CTNNA3: variants seen among roughly 807,000 people sequenced by gnomAD.
CTNNA3 encodes the protein catenin alpha-3.
Under a neutral mutation model 95.7 loss-of-function variants are expected in CTNNA3, and 76 were observed. The ratio of observed to expected loss-of-function variants is 0.79; its 90% CI spans 0.66 to 0.96. The LOEUF (loss-of-function observed/expected upper bound fraction) is 0.96. Ranked by LOEUF, CTNNA3 falls within the 40% of genes least tolerant of loss-of-function variation. The pLI, the probability that CTNNA3 is intolerant of heterozygous loss-of-function variation, is 0.00. For synonymous variants in CTNNA3, 431 were observed against 374.4 expected, an observed-to-expected ratio of 1.15 and a Z score of -1.74; for missense variants, 1,191 against 1,089.8, an observed-to-expected ratio of 1.09 and a Z score of -1.31.
At chr10:66,925,962 T>G (rs895304583) in intron 7 of CTNNA3, 3 of 455,506 alleles carry the variant, frequency 6.6e-6, no homozygotes, top group African/African-American at 2.0e-5. Flanking sequence ...AGAGAGACAT[T>G]TCTGCACATG....
chr10:66,610,343 T>A (rs999505224), intron 10 of CTNNA3, among the ~76,000 whole-genome samples: 1 of 152,242 alleles, frequency 6.6e-6, no homozygotes, highest in East Asian at 1.9e-4. Flanking sequence ...AAAGTTTTTT[T>A]AAAAAGGTCA....
intron 5 of CTNNA3, among the ~76,000 whole-genome samples, chr10:67,370,667 T>G (rs1843392672): frequency 6.6e-6 from 1 of 152,150 alleles, no homozygotes; most frequent in African/African-American, 2.4e-5. Flanking sequence ...ATCAAAGGCA[T>G]AATAACTCAC....
intron 6 of CTNNA3, among the ~76,000 whole-genome samples, chr10:67,196,974 C>T (rs1003217310): frequency 2.0e-5 from 3 of 151,946 alleles, no homozygotes; most frequent in African/African-American, 7.3e-5. Flanking sequence ...AAAATATAGA[C>T]GCAATGGTGA....
At chr10:66,118,003 C>T (rs753264424) in intron 13 of CTNNA3, among the ~76,000 whole-genome samples, 11 of 152,090 alleles carry the variant, frequency 7.2e-5, no homozygotes, top group Non-Finnish European at 1.2e-4. Flanking sequence ...GGAGAGTTAC[C>T]GTCAGATGTT....
At chr10:67,164,089 GAA>G (rs57635341) in intron 7 of CTNNA3, among the ~76,000 whole-genome samples, 119 of 151,468 alleles carry the variant, frequency 7.9e-4, no homozygotes, top group Non-Finnish European at 1.5e-3. Flanking sequence ...TAAAACCTAA[GAA>G]AAAAATTTTA....
At position 66,241,856 on chromosome 10, in the gene CTNNA3, A is replaced by G. The variant is rs142906713; in HGVS notation, c.1884+38614T>C. On this transcript the variant is annotated intron_variant, in intron 13 of 17. Transcript: ENST00000433211. ...CTCCAAATACATGGGAATACTAAAAATCTAATATAACCAAATATAAATCTA... is the reference window on the plus strand; with the variant it reads ...CTCCAAATACATGGGAATACTAAAAGTCTAATATAACCAAATATAAATCTA... 3.8e-3 allele frequency among the ~76,000 whole-genome samples: 499 copies of G among 129,664 alleles called. 2 individuals carry two copies. Among genetic ancestry groups the G allele is most frequent in the Non-Finnish European group, 6.7e-3 (398 of 59,340 alleles). 85.1% of individuals were successfully genotyped at this position (129,664 alleles called of 152,430 possible). A position where few individuals can be genotyped will look rare whatever the true frequency, so the allele number is the denominator to read the frequency against.
intron 5 of CTNNA3, among the ~76,000 whole-genome samples, chr10:67,420,958 A>G (rs1845729025): frequency 6.6e-6 from 1 of 152,154 alleles, no homozygotes; most frequent in Non-Finnish European, 1.5e-5. Context: ...TTTACTTATA[A>G]TAAAATAATG....
intron 10 of CTNNA3, among the ~76,000 whole-genome samples, chr10:66,582,850 C>T (rs1586377): frequency 0.37 from 55,318 of 151,420 alleles, 10,705 homozygotes; most frequent in Non-Finnish European, 0.44. Context: ...ATCATAAAGT[C>T]ATGCTGGATT....
At chr10:66,435,086 G>T (rs138506281) in intron 11 of CTNNA3, among the ~76,000 whole-genome samples, 5 of 151,986 alleles carry the variant, frequency 3.3e-5, no homozygotes, top group Non-Finnish European at 7.4e-5. Flanking sequence ...TGTTCATCAC[G>T]GATATTGGCC....
intron 10 of CTNNA3, among the ~76,000 whole-genome samples, chr10:66,527,559 GT>G (rs1841312247): frequency 6.6e-6 from 1 of 152,082 alleles, no homozygotes; most frequent in East Asian, 1.9e-4. Flanking sequence ...TGTCTTTTCT[GT>G]TTTTTATGTC....
chr10:67,029,404 AAG>A (rs1853584742), intron 7 of CTNNA3, among the ~76,000 whole-genome samples: 1 of 152,168 alleles, frequency 6.6e-6, no homozygotes, highest in East Asian at 1.9e-4. Flanking sequence ...AAGACCTATA[AAG>A]AGAGGTTAAA....
chr10:66,515,140 C>A (rs917922328), intron 11 of CTNNA3, among the ~76,000 whole-genome samples: 1 of 151,754 alleles, frequency 6.6e-6, no homozygotes, highest in African/African-American at 2.4e-5. Context: ...AGTCCTTTAC[C>A]ATTGATTTTA....
chr10:66,914,583 G>GA (rs895687556), intron 7 of CTNNA3, among the ~76,000 whole-genome samples: 2 of 148,098 alleles, frequency 1.4e-5, no homozygotes, highest in African/African-American at 2.5e-5. Flanking sequence ...CTCACAGTGA[G>GA]AAAAAATGGC....
intron 7 of CTNNA3, among the ~76,000 whole-genome samples, chr10:66,908,311 C>T (rs1253192928): frequency 6.6e-6 from 1 of 152,178 alleles, no homozygotes; most frequent in East Asian, 1.9e-4. Flanking sequence ...CAATGTGACT[C>T]CATGCCAGTT....
At chr10:66,060,267 G>A (rs1564610705) in intron 15 of CTNNA3, among the ~76,000 whole-genome samples, 1 of 151,774 alleles carries the variant, frequency 6.6e-6, no homozygotes, top group Non-Finnish European at 1.5e-5. Context: ...GCAAAAAACG[G>A]GGCCATAATT....
At chr10:67,517,064 G>C (rs1215226719) in intron 5 of CTNNA3, among the ~76,000 whole-genome samples, 1 of 152,142 alleles carries the variant, frequency 6.6e-6, no homozygotes, top group East Asian at 1.9e-4. Flanking sequence ...ATGAACGTGG[G>C]AGTGCAGCTA....
chr10:66,418,556 G>GACACACACACACACACACAC (rs57694585), intron 11 of CTNNA3, among the ~76,000 whole-genome samples: 230 of 144,580 alleles, frequency 1.6e-3, no homozygotes, highest in African/African-American at 5.3e-3. Context: ...AGCACACAGG[G>GACACACACACACACACACAC]ACACACACAC....
At chr10:67,624,089 T>C (rs1843941857) in intron 2 of CTNNA3, among the ~76,000 whole-genome samples, 2 of 152,124 alleles carry the variant, frequency 1.3e-5, no homozygotes, top group Non-Finnish European at 2.9e-5. Flanking sequence ...CCCAAAGTAC[T>C]GGGATTACAG....
intron 13 of CTNNA3, among the ~76,000 whole-genome samples, chr10:66,272,465 C>G (rs996771808): frequency 2.6e-5 from 4 of 152,048 alleles, no homozygotes; most frequent in Admixed American, 6.6e-5. Flanking sequence ...GCCGTTAGGA[C>G]TATGGAGAGA....
Sources: allele counts gnomAD v4.1 joint callset (sites outside exome capture counted in the v4.1 genomes callset), GRCh38; gene constraint gnomAD v4.1.1; transcripts MANE v1.5; gene names NCBI Gene and HGNC (gene_info 2026-07-23, HGNC 2026-07-21).